NES: variants seen among roughly 807,000 people sequenced by gnomAD.
NES encodes nestin.
Under a neutral mutation model 35.6 loss-of-function variants are expected in NES, and 27 were observed. The ratio of observed to expected loss-of-function variants is 0.76; its 90% confidence interval spans 0.56 to 1.04. NES has a LOEUF of 1.04. Ranked by LOEUF, NES falls within the 50% of genes least tolerant of loss-of-function variation. The pLI is 0.00. For synonymous variants in NES, 822 were observed against 824.2 expected, an observed-to-expected ratio of 1.00 and a Z score of 0.04; for missense variants, 1,867 against 1,983.6, an observed-to-expected ratio of 0.94 and a Z score of 1.12.
chr1:156,672,045 C>T lies in NES; in HGVS notation c.2143G>A (p.Glu715Lys). 5.6e-6 allele frequency: 9 copies of T among 1,613,608 alleles called. No homozygotes were observed. The highest frequency in any genetic ancestry group is 7.6e-6 in the Non-Finnish European group (9 of 1,179,972). Residue 715 changes from glutamate (E) to lysine (K), a missense_variant, in exon 4 of 4, where the codon GAA (glutamate) becomes AAA (lysine). Glu to Lys is a moderately conservative substitution (Grantham distance 56, BLOSUM62 1). Transcript: ENST00000368223. ...DENKEAFRSLEKENQEPLKTL... is the reference protein window; with the variant it reads ...DENKEAFRSLKKENQEPLKTL... Reference sequence around the variant, plus strand: ...TTCAGTGGCTCCTGGTTCTCTTTTTCTAGAGATCTAAAGGCCTCTTTGTTC... The same window carrying T: ...TTCAGTGGCTCCTGGTTCTCTTTTTTTAGAGATCTAAAGGCCTCTTTGTTC...
rs1206358182 is a variant in NES at position 156,673,169 on chromosome 1, T to G, written c.1019A>C (p.Glu340Ala). ...GAGCAAAGATCCAAGACGCCGGCCC[T>G]CTGGGGTCCTAGGGAATTGCAGCTC... ...KLELQFPRTP[E>A]GRRLGSLLPV... Residue 340 changes from glutamate (E) to alanine (A), a missense_variant, in exon 4 of 4, where the codon GAG becomes GCG. Glu to Ala is a moderately radical substitution (Grantham distance 107, BLOSUM62 -1). Coordinates refer to ENST00000368223, the MANE Select transcript of NES (RefSeq NM_006617.2). 6.5e-7 allele frequency: 1 copy of G among 1,531,400 alleles called. No homozygotes were observed. Among genetic ancestry groups the G allele is most frequent in the Non-Finnish European group, 8.8e-7 (1 of 1,139,222 alleles). The allele number at this position is 1,531,400 out of a possible 1,614,324, so 94.9% of individuals were successfully genotyped here.
Position 156,670,604 on chromosome 1 carries a change from G to A in NES, c.3584C>T (p.Thr1195Ile). The A allele has an allele frequency of 6.2e-7, 1 of 1,613,772 alleles. No homozygotes were observed. Among genetic ancestry groups the A allele is most frequent in the South Asian group, 1.1e-5 (1 of 91,080 alleles). Residue 1195 changes from threonine (T) to isoleucine (I), a missense_variant, in exon 4 of 4, where the codon ACT becomes ATT. Thr to Ile is a moderately conservative substitution (Grantham distance 89). Coordinates refer to ENST00000368223, the MANE Select transcript of NES (RefSeq NM_006617.2). ...EAFPAETLGHTGSDAPSPWPL... is the reference protein window; with the variant it reads ...EAFPAETLGHIGSDAPSPWPL... ...CCAAGGTGAAGGGGCATCACTTCCA[G>A]TGTGGCCCAGGGTCTCAGCAGGGAA...
chr1:156,669,931 C>T lies in NES; in HGVS notation c.4257G>A (p.Gly1419=). ...CCTCCTGATCCTCCTCTCCCTCCTC[C>T]CCACTTTCTTCCTCATCTGCAAACC... ...SDGFADEEES[G]EEGEEDQEEG... Residue 1419 remains glycine, a synonymous_variant, in exon 4 of 4, where the codon GGG becomes GGA. Transcript: ENST00000368223. 2 of 1,613,340 alleles carry T rather than the reference C, an allele frequency of 1.2e-6. No individual in the cohort carries two copies. Among genetic ancestry groups the T allele is most frequent in the South Asian group, 1.1e-5 (1 of 91,052 alleles).
chr1:156,674,975 A>G (rs1367982880), intron 2 of NES, among the ~76,000 whole-genome samples: 1 of 152,190 alleles, frequency 6.6e-6, no homozygotes, highest in Non-Finnish European at 1.5e-5. Flanking sequence ...CCGCTCGGCA[A>G]TATCATCTCT....
rs1017154023 is a variant in NES, at chr1:156,675,321, T to C, written c.803A>G (p.Glu268Gly). The C allele has an allele frequency of 6.2e-7, 1 of 1,610,150 alleles. No individual in the cohort carries two copies. Among genetic ancestry groups the C allele is most frequent in the Middle Eastern group, 1.7e-4 (1 of 6,036 alleles). Residue 268 changes from glutamate to glycine, a missense_variant, in exon 2 of 4, where the codon GAG becomes GGG. Physicochemically the swap from Glu to Gly is moderately conservative, Grantham distance 98. Coordinates refer to ENST00000368223, the MANE Select transcript of NES (RefSeq NM_006617.2). ...GCTCTGTAGGCCCTGTTTCTCCTGC[T>C]CCAGGGCCTCCACAGCCAGCTGCAG... ...EKFQLAVEAL[E>G]QEKQGLQSQI...
Position 156,670,853 on chromosome 1 carries a change from C to T in NES, c.3335G>A (p.Gly1112Asp). ...GQGVGGLGDP[G>D]HLTREEVMEP... is the part of the protein sequence containing the mutation. ...CATCACCTCTTCCCTGGTCAGATGG[C>T]CTGGGTCCCCCAGCCCTCCCACCCC... The change falls in exon 4 of 4, where the codon GGC (glycine) becomes GAC (aspartate). Residue 1112 changes from glycine to aspartate, a missense_variant. By Grantham distance (94) the Gly-to-Asp change is moderately conservative (BLOSUM62 -1). Coordinates refer to ENST00000368223, the MANE Select transcript of NES (RefSeq NM_006617.2). The T allele has an allele frequency of 1.2e-6, 2 of 1,612,388 alleles. No homozygotes were observed. Among genetic ancestry groups the T allele is most frequent in the Non-Finnish European group, 1.7e-6 (2 of 1,179,032 alleles).
Position 156,677,119 on chromosome 1 carries a change from T to C in NES, c.146A>G (p.Asp49Gly), listed in dbSNP as rs1647324689. 2 of 1,606,784 alleles carry C rather than the reference T, an allele frequency of 1.2e-6. No homozygotes were observed. Among genetic ancestry groups the C allele is most frequent in the South Asian group, 1.1e-5 (1 of 90,172 alleles). ...GTCGGCATGCGCCCGCCAGGAGGTG[T>C]CCGCGGATTGTGCCCGGAGCCCCCC... ...ELGGLRAQSADTSWRAHADDE... is the reference protein window; with the variant it reads ...ELGGLRAQSAGTSWRAHADDE... The change falls in exon 1 of 4, where the codon GAC (aspartate) becomes GGC (glycine). Residue 49 changes from aspartate (D) to glycine (G), a missense_variant. Coordinates refer to ENST00000368223, the MANE Select transcript of NES (RefSeq NM_006617.2). The surrounding 1 kb of genome is among the most constrained non-coding windows in gnomAD (Gnocchi z 4.5).
At chr1:156,675,488 A>C in intron 1 of NES, 148 bp from the exon 2 acceptor site, 2 of 911,844 alleles carry the variant, frequency 2.2e-6, no homozygotes, top group Non-Finnish European at 3.2e-6. Flanking sequence ...CCCCTACCCT[A>C]TTCCCTGCCC....
Position 156,671,297 on chromosome 1 carries a change from T to C in NES, c.2891A>G (p.Glu964Gly). The change falls in exon 4 of 4, where the codon GAA (glutamate) becomes GGA (glycine). Residue 964 changes from glutamate (E) to glycine (G), a missense_variant. Coordinates refer to ENST00000368223, the MANE Select transcript of NES (RefSeq NM_006617.2). Reference sequence around the variant, plus strand: ...CACTCCAGCCATCCCAGGAGGGCTTTCCTGAGCCAGTTCTTGGTCCTTCTC... The same window carrying C: ...CACTCCAGCCATCCCAGGAGGGCTTCCCTGAGCCAGTTCTTGGTCCTTCTC... ...TVEKDQELAQ[E>G]SPPGMAGVEN... The C allele has an allele frequency of 2.5e-6, 4 of 1,614,152 alleles. No homozygotes were observed. The highest frequency in any genetic ancestry group is 3.4e-6 in the Non-Finnish European group (4 of 1,180,010).
In NES at chr1:156,677,320, C is replaced by A. The variant is rs1647337850; in HGVS notation, c.-56G>T. On this transcript the variant is annotated 5_prime_UTR_variant, in exon 1 of 4. Coordinates refer to ENST00000368223, the MANE Select transcript of NES (RefSeq NM_006617.2). This position sits in a 1 kb window ranked among gnomAD's most constrained non-coding sequence, Gnocchi z 4.5. ...GACGCGGGGCACCGGGAGAAGGGAG[C>A]GGCTCGCAGAGCTTTTAGGACGGAA... 2 of 1,192,066 alleles carry A rather than the reference C, an allele frequency of 1.7e-6. No homozygotes were observed. Among genetic ancestry groups the A allele is most frequent in the Non-Finnish European group, 1.1e-6 (1 of 905,034 alleles). The allele number at this position is 1,192,066 out of a possible 1,614,324, so 73.8% of individuals were successfully genotyped here. A position where few individuals can be genotyped will look rare whatever the true frequency, so the allele number is the denominator to read the frequency against.
chr1:156,673,017 G>C lies in NES; in HGVS notation c.1171C>G (p.Pro391Ala). ...GGAGAGGGTGCCTGAGGTGTGGGGG[G>C]GATGGGGGTGCTGGCCAAGGTAGGG... ...RTPTLASTPI[P>A]PTPQAPSPAV... is the part of the protein sequence containing the mutation. The change falls in exon 4 of 4, where the codon CCC (proline) becomes GCC (alanine). Residue 391 changes from proline to alanine, a missense_variant. Transcript: ENST00000368223. 6.2e-7 allele frequency: 1 copy of C among 1,611,676 alleles called. No homozygotes were observed. Among genetic ancestry groups the C allele is most frequent in the Non-Finnish European group, 8.5e-7 (1 of 1,178,132 alleles).
In NES at chr1:156,671,923, C is replaced by T; in HGVS notation, c.2265G>A (p.Leu755=). The T allele has an allele frequency of 1.2e-6, 2 of 1,614,146 alleles. No individual in the cohort carries two copies. The highest frequency in any genetic ancestry group is 1.7e-6 in the Non-Finnish European group (2 of 1,180,018). ...RSLEEQDQET[L]RTLEKETQQR... ...GTTGAGTCTCTTTTTCAAGAGTTCTCAATGTCTCTTGGTCCTGTTCTTCTA... is the reference window on the plus strand; with the variant it reads ...GTTGAGTCTCTTTTTCAAGAGTTCTTAATGTCTCTTGGTCCTGTTCTTCTA... Residue 755 remains leucine (L), a synonymous_variant, in exon 4 of 4, where the codon TTG becomes TTA. Coordinates refer to ENST00000368223, the MANE Select transcript of NES (RefSeq NM_006617.2).
In NES at chr1:156,676,357, G is replaced by T; in HGVS notation, c.783+125C>A. The T allele has an allele frequency of 2.1e-6, 2 of 932,298 alleles. No homozygotes were observed. Among genetic ancestry groups the T allele is most frequent in the South Asian group, 3.3e-5 (2 of 60,600 alleles). 57.8% of individuals were successfully genotyped at this position (932,298 alleles called of 1,614,324 possible). On this transcript the variant is annotated intron_variant, in intron 1 of 3. Transcript: ENST00000368223. The surrounding 1 kb of genome is among the most constrained non-coding windows in gnomAD (Gnocchi z 5.3). ...CTAGGACTTGTGGCACCAGGTTTCTGAGAACTGGCTCCTGATTCAGCAGCC... is the reference window on the plus strand; with the variant it reads ...CTAGGACTTGTGGCACCAGGTTTCTTAGAACTGGCTCCTGATTCAGCAGCC...
Position 156,672,073 on chromosome 1 carries a change from A to C in NES, c.2115T>G (p.Asp705Glu), listed in dbSNP as rs1483482815. 6.2e-7 allele frequency: 1 copy of C among 1,612,642 alleles called. No individual in the cohort carries two copies. The highest frequency in any genetic ancestry group is 2.2e-5 in the East Asian group (1 of 44,856). ...GAGATCTAAAGGCCTCTTTGTTCTC[A>C]TCTTCAAGAGACCTCAGGGGTTCCT... ...ENQEPLRSLE[D>E]ENKEAFRSLE... is the part of the protein sequence containing the mutation. Residue 705 changes from aspartate (D) to glutamate (E), a missense_variant, in exon 4 of 4, where the codon GAT becomes GAG. Asp to Glu is a conservative substitution (Grantham distance 45, BLOSUM62 2). Transcript: ENST00000368223.
rs1421974250 is a variant in NES, at chr1:156,668,793, AG to A, written c.*528del. On this transcript the variant is annotated 3_prime_UTR_variant, in exon 4 of 4. Transcript: ENST00000368223. ...AGCGGAGGCATTACTTTATTCAGGC[AG>A]GGACTAGCCAGGCAGGGCCACAGCG... The A allele has an allele frequency of 6.5e-6, 1 of 153,132 alleles. No homozygotes were observed. Among genetic ancestry groups the A allele is most frequent in the Non-Finnish European group, 1.5e-5 (1 of 68,726 alleles). The allele number at this position is 153,132 out of a possible 1,614,324, so 9.5% of individuals were successfully genotyped here.
At position 156,670,040 on chromosome 1, in the gene NES, G is replaced by C; in HGVS notation, c.4148C>G (p.Pro1383Arg). 6.2e-7 allele frequency: 1 copy of C among 1,614,058 alleles called. No individual in the cohort carries two copies. Among genetic ancestry groups the C allele is most frequent in the Non-Finnish European group, 8.5e-7 (1 of 1,179,980 alleles). ...GTEAPFLPGV[P>R]GEVAEPLGQV... ...GCCCAGAGGTTCTGCCACCTCCCCA[G>C]GGACCCCAGGAAGAAAAGGTGCCTC... Residue 1383 changes from proline (P) to arginine (R), a missense_variant, in exon 4 of 4, where the codon CCT becomes CGT. Physicochemically the swap from Pro to Arg is moderately radical, Grantham distance 103. Transcript: ENST00000368223.
chr1:156,675,657 C>T (rs771364293), intron 1 of NES, among the ~76,000 whole-genome samples: 6 of 151,726 alleles, frequency 4.0e-5, no homozygotes, highest in African/African-American at 9.7e-5. Flanking sequence ...AGGGAGGAGA[C>T]GAGATGGGTT....
Position 156,672,868 on chromosome 1 carries a change from G to T in NES, c.1320C>A (p.Val440=). 6.2e-7 allele frequency: 1 copy of T among 1,613,962 alleles called. No individual in the cohort carries two copies. The highest frequency in any genetic ancestry group is 1.1e-5 in the South Asian group (1 of 91,086). ...AEARVAIPAS[V]LPGPEEPGGQ... ...CCCCAGGCTCCTCTGGTCCAGGCAG[G>T]ACGCTGGCAGGAATGGCCACCCTGG... The change falls in exon 4 of 4, where the codon GTC becomes GTA. Residue 440 remains valine, a synonymous_variant. Transcript: ENST00000368223.
At chr1:156,675,731 T>C (rs1647261343) in intron 1 of NES, among the ~76,000 whole-genome samples, 1 of 152,138 alleles carries the variant, frequency 6.6e-6, no homozygotes, top group Admixed American at 6.5e-5. Context: ...TCAAGATGCC[T>C]GGAGCCTGCA....
Sources: gnomAD v4.1 joint callset for allele counts (sites outside exome capture counted in the v4.1 genomes callset) on GRCh38, gnomAD v4.1.1 for gene constraint, Gnocchi (gnomAD v3.1) non-coding constraint, MANE v1.5 for transcripts, NCBI Gene and HGNC (gene_info 2026-07-23, HGNC 2026-07-21) for gene names.